Variants in MYO5B observed in about 807,000 individuals in gnomAD.
The protein encoded by MYO5B is myosin VB.
MYO5B carries 143 observed loss-of-function variants against 229.3 expected under a neutral mutation model. The ratio of observed to expected loss-of-function variants is 0.62; its 90% CI spans 0.54 to 0.72. MYO5B has a LOEUF of 0.72. Among genes scored for constraint, MYO5B ranks in the 30% least tolerant of loss-of-function variants. MYO5B has a pLI of 0.00. For missense variants in MYO5B, 2,321 were observed against 2,331.0 expected (o/e 1.00, Z 0.09); for synonymous variants, 918 against 885.2 (o/e 1.04, Z -0.66).
rs1034036380 is a variant in MYO5B, at chr18:50,183,335, A to C, written c.27+11432T>G. 5.2e-4 allele frequency among the ~76,000 whole-genome samples: 72 copies of C among 138,650 alleles called. 1 individual carries two copies. In the East Asian group the frequency reaches 9.1e-3, roughly 18 times the overall value. The allele number at this position is 138,650 out of a possible 152,430, so 91.0% of individuals were successfully genotyped here. A position where few individuals can be genotyped will look rare whatever the true frequency, so the allele number is the denominator to read the frequency against. The stretch of plus-strand genomic sequence containing the variant: ...TATATATATATATATATATATATAT[A>C]TATCTCCTTCAATACTATTCATTTT... On this transcript the variant is annotated intron_variant, in intron 1 of 39. Transcript: ENST00000285039.
chr18:50,078,831 G>GA (rs373330715), intron 1 of MYO5B, among the ~76,000 whole-genome samples: 5,766 of 151,984 alleles, frequency 0.038, 363 homozygotes, highest in African/African-American at 0.13. Flanking sequence ...CCAAGAGCTA[G>GA]AAAAAAACCC....
At chr18:50,059,878 C>T (rs1307333329) in intron 1 of MYO5B, among the ~76,000 whole-genome samples, 1 of 152,112 alleles carries the variant, frequency 6.6e-6, no homozygotes, top group South Asian at 2.1e-4. Flanking sequence ...GCTGGCTTTG[C>T]GAGATGCATT....
At chr18:49,848,253 G>A (rs1016329253) in intron 32 of MYO5B, among the ~76,000 whole-genome samples, 1 of 152,184 alleles carries the variant, frequency 6.6e-6, no homozygotes, top group Non-Finnish European at 1.5e-5. Flanking sequence ...TGCTGGTGGT[G>A]ATGGGCTGGA....
intron 14 of MYO5B, among the ~76,000 whole-genome samples, chr18:49,938,667 T>C (rs2025278182): frequency 6.6e-6 from 1 of 152,144 alleles, no homozygotes; most frequent in African/African-American, 2.4e-5. Flanking sequence ...GAGGACTCCC[T>C]GATCAGATCC....
chr18:50,076,643 A>T (rs1478745826), intron 1 of MYO5B, among the ~76,000 whole-genome samples: 1 of 152,154 alleles, frequency 6.6e-6, no homozygotes, highest in Non-Finnish European at 1.5e-5. Context: ...ACAATTCCAA[A>T]AGGTGGTCAT....
intron 1 of MYO5B, among the ~76,000 whole-genome samples, 167 bp from the exon 2 acceptor site, chr18:50,055,545 A>G (rs900123260): frequency 6.6e-6 from 1 of 152,186 alleles, no homozygotes; most frequent in Non-Finnish European, 1.5e-5. Flanking sequence ...TCATGATAAC[A>G]GGGGAACAAC....
intron 4 of MYO5B, among the ~76,000 whole-genome samples, chr18:50,033,700 C>A (rs541501094): frequency 6.6e-6 from 1 of 152,148 alleles, no homozygotes; most frequent in Non-Finnish European, 1.5e-5. Context: ...TAAGCCCCTT[C>A]CTCACAGGAT....
At chr18:50,018,789 T>A (rs905578821) in intron 4 of MYO5B, among the ~76,000 whole-genome samples, 3 of 152,246 alleles carry the variant, frequency 2.0e-5, no homozygotes, top group Non-Finnish European at 4.4e-5. Context: ...CACACGGTTT[T>A]AGTGGGCAGC....
intron 29 of MYO5B, among the ~76,000 whole-genome samples, chr18:49,861,577 G>T (rs2024330052): frequency 6.6e-6 from 1 of 152,210 alleles, no homozygotes; most frequent in African/African-American, 2.4e-5. Context: ...TTAGGGAAAA[G>T]AATTATACCT....
chr18:49,872,962 T>TA (rs2024473262), intron 26 of MYO5B, among the ~76,000 whole-genome samples: 1 of 152,230 alleles, frequency 6.6e-6, no homozygotes, highest in Admixed American at 6.5e-5. Context: ...GCTAACAAGT[T>TA]ACGTTCCAAT....
chr18:50,136,440 C>T (rs945386083), intron 1 of MYO5B, among the ~76,000 whole-genome samples: 1 of 142,026 alleles, frequency 7.0e-6, no homozygotes, highest in Admixed American at 7.6e-5. Context: ...GGTGATGATA[C>T]AAGTAAACAT....
chr18:50,003,104 G>T (rs1398342718), intron 4 of MYO5B, among the ~76,000 whole-genome samples: 1 of 152,154 alleles, frequency 6.6e-6, no homozygotes. Context: ...GGAGCCGAAG[G>T]CAGAGTCATG....
chr18:49,869,134 G>A (rs1055043752), intron 27 of MYO5B, among the ~76,000 whole-genome samples: 7 of 152,172 alleles, frequency 4.6e-5, no homozygotes, highest in Non-Finnish European at 1.0e-4. Flanking sequence ...TGCTCAGGTA[G>A]AGTCTATAAT....
Position 50,194,883 on chromosome 18 carries a change from G to A in MYO5B, c.-90C>T. 2 of 1,234,014 alleles carry A rather than the reference G, an allele frequency of 1.6e-6. No individual in the cohort carries two copies. Among genetic ancestry groups the A allele is most frequent in the Non-Finnish European group, 2.0e-6 (2 of 989,932 alleles). 76.4% of individuals were successfully genotyped at this position (1,234,014 alleles called of 1,614,324 possible). ...GGCCCGCCTGGCGCCATGTTCCCGG[G>A]CTGGCCTGGAGTTTCTCGATCTTCT... On this transcript the variant is annotated 5_prime_UTR_variant, in exon 1 of 40. Coordinates refer to ENST00000285039, the MANE Select transcript of MYO5B (RefSeq NM_001080467.3).
At chr18:50,023,340 A>G (rs2026297197) in intron 4 of MYO5B, among the ~76,000 whole-genome samples, 1 of 152,246 alleles carries the variant, frequency 6.6e-6, no homozygotes, top group African/African-American at 2.4e-5. Context: ...GGCCCACAAC[A>G]CACCTCACAA....
chr18:50,082,697 T>C (rs1238355350), intron 1 of MYO5B, among the ~76,000 whole-genome samples: 2 of 152,128 alleles, frequency 1.3e-5, no homozygotes, highest in East Asian at 1.9e-4. Context: ...GCTAAGACCA[T>C]TAGACAACGC....
chr18:50,037,193 G>C (rs1488166213), intron 3 of MYO5B, among the ~76,000 whole-genome samples, 199 bp from the exon 4 acceptor site: 1 of 150,580 alleles, frequency 6.6e-6, no homozygotes, highest in Non-Finnish European at 1.5e-5. Context: ...CCTGGAATAA[G>C]CATACACACA....
At chr18:50,056,501 C>T (rs1290533100) in intron 1 of MYO5B, among the ~76,000 whole-genome samples, 1 of 152,188 alleles carries the variant, frequency 6.6e-6, no homozygotes, top group African/African-American at 2.4e-5. Context: ...TCTGTAGAAG[C>T]CGTCAGTACA....
chr18:50,145,497 CAAAAAAAAAAAAAAAAAAAA>C (rs369507800), intron 1 of MYO5B, among the ~76,000 whole-genome samples: 13 of 70,006 alleles, frequency 1.9e-4, no homozygotes, highest in East Asian at 7.2e-4. Flanking sequence ...GACTCCATCT[CAAAAAAAAAAAAAAAAAAAA>C]AAAAAAAAAA....
Sources: allele counts gnomAD v4.1 joint callset (sites outside exome capture counted in the v4.1 genomes callset), GRCh38; gene constraint gnomAD v4.1.1; transcripts MANE v1.5; gene names NCBI Gene and HGNC (gene_info 2026-07-23, HGNC 2026-07-21).